Variants in DDX10 observed in about 807,000 individuals in gnomAD.
DDX10 encodes probable ATP-dependent RNA helicase DDX10.
In DDX10, 74 loss-of-function variants were observed where a neutral mutation model predicts 104.3. The ratio of observed to expected loss-of-function variants is 0.71; its 90% CI spans 0.59 to 0.86. DDX10 has a LOEUF of 0.86. Among genes scored for constraint, DDX10 ranks in the 40% least tolerant of loss-of-function variants. The pLI is 0.00. For missense variants in DDX10, 952 were observed against 1,040.0 expected, an observed-to-expected ratio of 0.92 and a Z score of 1.16; for synonymous variants, 351 against 353.4, an observed-to-expected ratio of 0.99 and a Z score of 0.08.
At chr11:108,759,960 C>G (rs1320225419) in intron 13 of DDX10, among the ~76,000 whole-genome samples, 1 of 150,110 alleles carries the variant, frequency 6.7e-6, no homozygotes, top group Non-Finnish European at 1.5e-5. Flanking sequence ...GTGAAAGAAA[C>G]GGTTTTGATA....
chr11:108,728,504 CTT>C (rs71050884), intron 13 of DDX10, among the ~76,000 whole-genome samples: 1 of 121,822 alleles, frequency 8.2e-6, no homozygotes, highest in South Asian at 2.6e-4. Context: ...CACATTTGTT[CTT>C]TTTTTTTTTT....
chr11:108,677,286 A>T, intron 4 of DDX10, 43 bp downstream of exon 4: 9 of 1,561,586 alleles, frequency 5.8e-6, no homozygotes, highest in Non-Finnish European at 7.0e-6. Flanking sequence ...TCTGTAACCT[A>T]TACTGGAGTA....
At chr11:108,720,206 G>C (rs962925314) in intron 12 of DDX10, among the ~76,000 whole-genome samples, 3 of 152,246 alleles carry the variant, frequency 2.0e-5, no homozygotes, top group African/African-American at 4.8e-5. Context: ...TCAGTGTTCA[G>C]TTCTTGTTAA....
In DDX10 at chr11:108,679,480, A is replaced by G. The variant is rs773016258; in HGVS notation, c.768A>G (p.Gln256=). ...KRQTLLFSAT[Q]TKSVKDLARL... ...AGACTTTACTTTTCTCAGCAACACAAACTAAATCTGTAAAGGACCTTGCAC... is the reference window on the plus strand; with the variant it reads ...AGACTTTACTTTTCTCAGCAACACAGACTAAATCTGTAAAGGACCTTGCAC... Residue 256 remains glutamine, a synonymous_variant, in exon 6 of 18, where the codon CAA becomes CAG. Transcript: ENST00000322536. 3.7e-6 allele frequency: 6 copies of G among 1,613,852 alleles called. No individual in the cohort carries two copies. In the African/African-American group the frequency reaches 8.0e-5, roughly 22 times the overall value.
intron 13 of DDX10, among the ~76,000 whole-genome samples, chr11:108,788,329 T>C (rs1861823140): frequency 6.6e-6 from 1 of 152,154 alleles, no homozygotes; most frequent in African/African-American, 2.4e-5. Flanking sequence ...CAGAGGATCA[T>C]GACTCTATAC....
intron 11 of DDX10, among the ~76,000 whole-genome samples, chr11:108,718,329 G>A (rs188684378): frequency 6.6e-6 from 1 of 152,244 alleles, no homozygotes; most frequent in African/African-American, 2.4e-5. Flanking sequence ...ACTTCTATAA[G>A]CTCACTTTAC....
At chr11:108,853,484 A>G (rs1862822846) in intron 16 of DDX10, among the ~76,000 whole-genome samples, 1 of 151,996 alleles carries the variant, frequency 6.6e-6, no homozygotes, top group South Asian at 2.1e-4. Context: ...GCATATTTGT[A>G]TATATATTAC....
chr11:108,753,895 T>C (rs540238779), intron 13 of DDX10, among the ~76,000 whole-genome samples: 2 of 152,132 alleles, frequency 1.3e-5, no homozygotes, highest in Non-Finnish European at 2.9e-5. Context: ...TGAGATGCCT[T>C]AGGAATGTGA....
At chr11:108,710,604 T>C (rs903595739) in intron 10 of DDX10, among the ~76,000 whole-genome samples, 20 of 152,172 alleles carry the variant, frequency 1.3e-4, no homozygotes, top group Non-Finnish European at 1.5e-4. Context: ...CCTTCTTTAG[T>C]ACTTCCTGAG....
intron 7 of DDX10, chr11:108,690,491 G>C (rs1287521061): frequency 6.4e-6 from 1 of 155,206 alleles, no homozygotes; most frequent in Non-Finnish European, 1.4e-5. Flanking sequence ...TGGTGAGCTT[G>C]CCGATCTTGT....
intron 13 of DDX10, among the ~76,000 whole-genome samples, chr11:108,748,846 A>T (rs929463920): frequency 6.6e-6 from 1 of 152,096 alleles, no homozygotes; most frequent in Non-Finnish European, 1.5e-5. Flanking sequence ...ATGCCTGCCT[A>T]ATGTTTTTAA....
chr11:108,685,299 G>A (rs2094242026), intron 6 of DDX10, among the ~76,000 whole-genome samples: 1 of 150,964 alleles, frequency 6.6e-6, no homozygotes, highest in African/African-American at 2.4e-5. Context: ...GATTTTCCAG[G>A]TGCGTCCGTC....
intron 1 of DDX10, among the ~76,000 whole-genome samples, chr11:108,667,484 C>T (rs2094211561): frequency 6.6e-6 from 1 of 152,210 alleles, no homozygotes; most frequent in Admixed American, 6.5e-5. Flanking sequence ...TGTGGTCAGG[C>T]TGACCTGGTT....
At chr11:108,784,334 T>A (rs1356587636) in intron 13 of DDX10, among the ~76,000 whole-genome samples, 1 of 152,090 alleles carries the variant, frequency 6.6e-6, no homozygotes, top group African/African-American at 2.4e-5. Context: ...TTTAGTAACC[T>A]CCATTGTGAT....
At chr11:108,714,677 A>G (rs1438762669) in intron 10 of DDX10, among the ~76,000 whole-genome samples, 1 of 152,150 alleles carries the variant, frequency 6.6e-6, no homozygotes, top group African/African-American at 2.4e-5. Context: ...TTGTCTATCC[A>G]TTTCAGAGAG....
rs528811283 is a variant in DDX10, at chr11:108,811,562, A to G, written c.1966-26884A>G. On this transcript the variant is annotated intron_variant, in intron 13 of 17. Coordinates refer to ENST00000322536, the MANE Select transcript of DDX10 (RefSeq NM_004398.4). ...GATCTGGCATATAGCACATAATTAA[A>G]TATTATTTTTTAATGTAACTATTTG... Among the ~76,000 whole-genome samples the G allele has an allele frequency of 3.9e-3, 594 of 152,340 alleles. 3 individuals are homozygous for G. The highest frequency in any genetic ancestry group is 0.014 in the African/African-American group (572 of 41,584).
chr11:108,706,966 G>C (rs903102178), intron 10 of DDX10, 129 bp downstream of exon 10: 2 of 717,914 alleles, frequency 2.8e-6, no homozygotes, highest in Non-Finnish European at 4.7e-6. Context: ...TTATAAAAAG[G>C]CTCTTTTTAG....
At chr11:108,683,625 C>T (rs906886941) in intron 6 of DDX10, among the ~76,000 whole-genome samples, 2 of 152,160 alleles carry the variant, frequency 1.3e-5, no homozygotes, top group African/African-American at 2.4e-5. Context: ...AGCTTCTTAG[C>T]CCTGCAATTT....
chr11:108,849,134 TA>T (rs1190922407), intron 15 of DDX10, among the ~76,000 whole-genome samples: 1 of 152,178 alleles, frequency 6.6e-6, no homozygotes, highest in East Asian at 1.9e-4. Flanking sequence ...GGGAAGGATT[TA>T]GGTTTACTGG....
Sources: gnomAD v4.1 joint callset for allele counts (sites outside exome capture counted in the v4.1 genomes callset) on GRCh38, gnomAD v4.1.1 for gene constraint, MANE v1.5 for transcripts, NCBI Gene and HGNC (gene_info 2026-07-23, HGNC 2026-07-21) for gene names.